HUWE1: variants seen among roughly 807,000 people sequenced by gnomAD.
HUWE1 encodes E3 ubiquitin-protein ligase HUWE1.
A neutral mutation model predicts 299.4 loss-of-function variants in HUWE1; 18 were observed. The ratio of observed to expected loss-of-function variants is 0.06; its 90% CI spans 0.04 to 0.09. The LOEUF (loss-of-function observed/expected upper bound fraction) is 0.09. HUWE1 is among the 10% of genes least tolerant of loss of function. The pLI is 1.00. For synonymous variants in HUWE1, 1,317 were observed against 1,286.1 expected (o/e 1.02, Z -0.51); for missense variants, 1,832 against 3,462.3 (o/e 0.53, Z 11.82).
chrX:53,625,406 ATACT>A (rs1217483316), intron 17 of HUWE1, 148 bp from the exon 18 acceptor site: 3 of 432,890 alleles, frequency 6.9e-6, no homozygotes, highest in Non-Finnish European at 8.2e-6. Flanking sequence ...GTTAGGAAGA[ATACT>A]TAATTAAGCT....
At chrX:53,536,081 A>C (rs2061049193) in intron 80 of HUWE1, 66 bp downstream of exon 80, 1 of 701,017 alleles carries the variant, frequency 1.4e-6, no homozygotes, top group Non-Finnish European at 2.3e-6. Context: ...GCTAGTTCTA[A>C]GGTGAACCTG....
At chrX:53,617,873 G>GA (rs1250200048) in intron 19 of HUWE1, among the ~76,000 whole-genome samples, 2 of 111,375 alleles carry the variant, frequency 1.8e-5, no homozygotes, top group African/African-American at 3.3e-5. Context: ...CTTTTAACAG[G>GA]AAAAAAAATC....
intron 17 of HUWE1, 98 bp from the exon 18 acceptor site, chrX:53,625,356 A>G (rs1427906864): frequency 3.6e-6 from 2 of 557,890 alleles, no homozygotes; most frequent in Non-Finnish European, 6.5e-6. Context: ...CAAATACACT[A>G]TAATAAAATT....
intron 49 of HUWE1, among the ~76,000 whole-genome samples, chrX:53,565,636 CTT>C (rs377656122): frequency 4.9e-5 from 5 of 101,916 alleles, no homozygotes; most frequent in Non-Finnish European, 6.1e-5. Context: ...AAAAGTTTTC[CTT>C]TTTTTTTTTT....
chrX:53,623,942 G>A (rs2066312023), intron 19 of HUWE1, among the ~76,000 whole-genome samples: 1 of 112,176 alleles, frequency 8.9e-6, no homozygotes, highest in African/African-American at 3.2e-5. Flanking sequence ...TTCCTTTAGC[G>A]TTTTAAGAAT....
chrX:53,644,657 G>A (rs1022229464), intron 7 of HUWE1, among the ~76,000 whole-genome samples: 2 of 111,883 alleles, frequency 1.8e-5, no homozygotes, highest in Non-Finnish European at 3.8e-5. Context: ...ACCTGAATTA[G>A]CCTGAAAACT....
Position 53,552,805 on chromosome X carries a change from G to A in HUWE1, c.8583C>T (p.Ser2861=), listed in dbSNP as rs782755850. ...QLEGSPMDTS[S]LASCTLEEAV... is the part of the protein sequence containing the mutation. Reference sequence around the variant, plus strand: ...CCTCCTCTAAGGTACAGGAAGCCAGGCTGCTTGTATCCATAGGAGAGCCTT... The same window carrying A: ...CCTCCTCTAAGGTACAGGAAGCCAGACTGCTTGTATCCATAGGAGAGCCTT... The change falls in exon 62 of 84, where the codon AGC becomes AGT. Residue 2861 remains serine, a synonymous_variant. Transcript: ENST00000262854. The A allele has an allele frequency of 5.2e-5, 63 of 1,209,970 alleles. No individual in the cohort carries two copies. Among genetic ancestry groups the A allele is most frequent in the Non-Finnish European group, 6.6e-5 (59 of 895,120 alleles).
chrX:53,612,023 A>C (rs968159493), intron 23 of HUWE1, among the ~76,000 whole-genome samples: 1 of 111,829 alleles, frequency 8.9e-6, no homozygotes, highest in Non-Finnish European at 1.9e-5. Context: ...AGGGTGACAC[A>C]TATTCCAAAT....
intron 43 of HUWE1, among the ~76,000 whole-genome samples, chrX:53,577,510 C>CCTCT (rs1210241224): frequency 1.1e-5 from 1 of 88,805 alleles, no homozygotes; most frequent in Admixed American, 1.3e-4. Context: ...TCTCCCTCTC[C>CCTCT]CTCTCCCTCT....
intron 3 of HUWE1, among the ~76,000 whole-genome samples, chrX:53,664,989 T>C (rs782380673): frequency 6.2e-5 from 7 of 112,405 alleles, no homozygotes; most frequent in African/African-American, 2.3e-4. Flanking sequence ...ACTTACTCTA[T>C]ACCTATTGTG....
chrX:53,563,606 C>T (rs890707133), intron 52 of HUWE1, 140 bp downstream of exon 52: 11 of 654,658 alleles, frequency 1.7e-5, no homozygotes, highest in Admixed American at 1.1e-4. Context: ...TCTGTAAGAC[C>T]GTCAACATCA....
rs190081725 is a variant in HUWE1, at chrX:53,614,464, A to G, written c.2261+70T>C. 222 of 772,735 alleles carry G rather than the reference A, an allele frequency of 2.9e-4. 1 individual carries two copies. The East Asian group carries it at 6.9e-3, about 24-fold the overall frequency. The allele number at this position is 772,735 out of a possible 1,213,427, so 63.7% of individuals were successfully genotyped here. ...TTGCTTTTTATAGATGAAAGTGTTC[A>G]TTAAGACTTAGAGAGGTGATAACAT... On this transcript the variant is annotated intron_variant, in intron 23 of 83. Transcript: ENST00000262854.
intron 17 of HUWE1, 166 bp from the exon 18 acceptor site, chrX:53,625,424 A>C: frequency 2.5e-6 from 1 of 402,200 alleles, no homozygotes; most frequent in Non-Finnish European, 4.4e-6. Context: ...TTAAGCTTTG[A>C]AATTGGAAAA....
chrX:53,554,617 T>C lies in HUWE1; in HGVS notation c.8494+16A>G, dbSNP rs1010577980. On this transcript the variant is annotated intron_variant, in intron 61 of 83. Coordinates refer to ENST00000262854, the MANE Select transcript of HUWE1 (RefSeq NM_031407.7). ...CCTCTTGTTTCATCCTCCCCAAATG[T>C]TGAAATTCTACTCACTTATAGTGGG... 5.0e-6 allele frequency: 6 copies of C among 1,204,477 alleles called. No individual in the cohort carries two copies. Among genetic ancestry groups the C allele is most frequent in the African/African-American group, 1.7e-5 (1 of 57,729 alleles).
chrX:53,632,361 T>C, intron 9 of HUWE1, 126 bp downstream of exon 9: 1 of 530,559 alleles, frequency 1.9e-6, no homozygotes, highest in Non-Finnish European at 3.4e-6. Context: ...TAGGTATATT[T>C]ATAGTTTGCG....
chrX:53,647,097 T>G (rs1267961029), intron 6 of HUWE1, among the ~76,000 whole-genome samples: 3 of 111,736 alleles, frequency 2.7e-5, no homozygotes, highest in African/African-American at 9.8e-5. Flanking sequence ...TCATGCAAAT[T>G]TCCTTAAATA....
At position 53,645,356 on chromosome X, in the gene HUWE1, A is replaced by G; in HGVS notation, c.459T>C (p.Ser153=). ...GAGTTAGCAGCGGGGTCCTCTTGTCAGATCCCAGACGAGTGATGTAGTTTG... is the reference window on the plus strand; with the variant it reads ...GAGTTAGCAGCGGGGTCCTCTTGTCGGATCCCAGACGAGTGATGTAGTTTG... ...KRSNYITRLG[S]DKRTPLLTRL... is the part of the protein sequence containing the mutation. Residue 153 remains serine, a synonymous_variant, in exon 7 of 84, where the codon TCT becomes TCC. Coordinates refer to ENST00000262854, the MANE Select transcript of HUWE1 (RefSeq NM_031407.7). 8.3e-7 allele frequency: 1 copy of G among 1,211,040 alleles called. No individual in the cohort carries two copies. The highest frequency in any genetic ancestry group is 1.1e-6 in the Non-Finnish European group (1 of 895,195).
At position 53,557,079 on chromosome X, in the gene HUWE1, G is replaced by A. The variant is rs1602630957; in HGVS notation, c.8206+303C>T. 5 of 393,287 alleles carry A rather than the reference G, an allele frequency of 1.3e-5. No homozygotes were observed. The East Asian group carries it at 2.4e-4, about 19-fold the overall frequency. The allele number at this position is 393,287 out of a possible 1,213,427, so 32.4% of individuals were successfully genotyped here. On this transcript the variant is annotated intron_variant, in intron 60 of 83. Transcript: ENST00000262854. ...TGAACATGCTGTTTCAGAGGACAGAGTTGCAGTCAGGAAATGAACAAGACA... is the reference window on the plus strand; with the variant it reads ...TGAACATGCTGTTTCAGAGGACAGAATTGCAGTCAGGAAATGAACAAGACA...
intron 15 of HUWE1, among the ~76,000 whole-genome samples, chrX:53,628,165 C>T (rs1211271142): frequency 1.8e-5 from 2 of 111,103 alleles, no homozygotes; most frequent in Admixed American, 9.6e-5. Flanking sequence ...ATTACTACTA[C>T]AACACAACTT....
Sources: gnomAD v4.1 joint callset for allele counts (sites outside exome capture counted in the v4.1 genomes callset) on GRCh38, gnomAD v4.1.1 for gene constraint, MANE v1.5 for transcripts, NCBI Gene and HGNC (gene_info 2026-07-23, HGNC 2026-07-21) for gene names.